Variants in ABCG8 observed in about 807,000 individuals in gnomAD.
ABCG8 encodes ATP-binding cassette sub-family G member 8.
In ABCG8, 81 loss-of-function variants were observed where a neutral mutation model predicts 71.3. That is an observed-to-expected ratio of 1.14 (90% CI 0.95 to 1.37). The LOEUF is 1.37. ABCG8 is among the 40% of genes most tolerant of loss of function. The probability of loss-of-function intolerance (pLI) is 0.00; values close to 1 mark genes in which losing one functional copy is unlikely to be tolerated. For missense variants in ABCG8, 1,119 were observed against 866.2 expected (o/e 1.29, Z -3.66); for synonymous variants, 451 against 354.7 (o/e 1.27, Z -3.05).
intron 1 of ABCG8, among the ~76,000 whole-genome samples, chr2:43,842,005 T>A (rs1266242657): frequency 7.4e-6 from 1 of 135,842 alleles, no homozygotes; most frequent in African/African-American, 2.7e-5. Flanking sequence ...CTCTTAGAAA[T>A]GGATAAGATT....
Position 43,878,027 on chromosome 2 carries a change from A to C in ABCG8, c.*114A>C. On this transcript the variant is annotated 3_prime_UTR_variant, in exon 13 of 13. Coordinates refer to ENST00000272286, the MANE Select transcript of ABCG8 (RefSeq NM_022437.3). ...GAGGACAATGACCCTACAGATGCTC[A>C]GCTACATCCGGCCCAGGGTGCTGCA... 6.7e-7 allele frequency: 1 copy of C among 1,500,440 alleles called. No homozygotes were observed. Among genetic ancestry groups the C allele is most frequent in the South Asian group, 1.2e-5 (1 of 84,956 alleles). 92.9% of individuals were successfully genotyped at this position (1,500,440 alleles called of 1,614,324 possible).
intron 6 of ABCG8, among the ~76,000 whole-genome samples, chr2:43,856,242 C>T (rs1244701021): frequency 6.6e-6 from 1 of 152,166 alleles, no homozygotes; most frequent in East Asian, 1.9e-4. Context: ...GGATAGAATT[C>T]TCTCCATCCT....
intron 3 of ABCG8, among the ~76,000 whole-genome samples, chr2:43,849,021 TAAAAAAAAAAAAA>T (rs1193216137): frequency 9.1e-5 from 5 of 54,710 alleles, no homozygotes; most frequent in Non-Finnish European, 1.7e-4. Flanking sequence ...AAACACTGTC[TAAAAAAAAAAAAA>T]AAAAAAAAAA....
Position 43,871,962 on chromosome 2 carries a change from T to G in ABCG8, c.965-14T>G. The G allele has an allele frequency of 6.2e-7, 1 of 1,613,834 alleles. No homozygotes were observed. The highest frequency in any genetic ancestry group is 8.5e-7 in the Non-Finnish European group (1 of 1,180,022). On this transcript the variant is annotated splice_polypyrimidine_tract_variant and intron_variant, in intron 6 of 12. Transcript: ENST00000272286. Reference sequence around the variant, plus strand: ...GGAACAGGCCACCTGTGACTCCACATCCCCTGCTTGCAGTGGACCTGACCA... The same window carrying G: ...GGAACAGGCCACCTGTGACTCCACAGCCCCTGCTTGCAGTGGACCTGACCA...
At chr2:43,844,424 C>T (rs913769252) in intron 1 of ABCG8, 83 bp from the exon 2 acceptor site, 1 of 1,141,390 alleles carries the variant, frequency 8.8e-7, no homozygotes, top group African/African-American at 1.5e-5. Flanking sequence ...AGAAGTTGCT[C>T]TCACCTGTTG....
At chr2:43,841,987 A>C (rs1036642995) in intron 1 of ABCG8, among the ~76,000 whole-genome samples, 1 of 151,598 alleles carries the variant, frequency 6.6e-6, no homozygotes, top group African/African-American at 2.4e-5. Context: ...ATGTTAGCCC[A>C]CATGAGTCTC....
Position 43,875,253 on chromosome 2 carries a change from C to T in ABCG8, c.1596C>T (p.Phe532=), listed in dbSNP as rs374820261. 41 of 1,614,124 alleles carry T rather than the reference C, an allele frequency of 2.5e-5. No individual in the cohort carries two copies. Among genetic ancestry groups the T allele is most frequent in the Admixed American group, 6.7e-5 (4 of 60,014 alleles). The part of the protein sequence containing the change: ...RPGLQPFLLH[F]LLVWLVVFCC... ...GCCTCCAGCCCTTCCTGCTGCACTT[C>T]CTGCTGGTGTGGCTGGTGGTCTTCT... Residue 532 remains phenylalanine, a synonymous_variant, in exon 11 of 13, where the codon TTC becomes TTT. Coordinates refer to ENST00000272286, the MANE Select transcript of ABCG8 (RefSeq NM_022437.3).
chr2:43,874,008 GGGCAGGCA>G, intron 9 of ABCG8, 22 bp downstream of exon 9: 2 of 1,612,846 alleles, frequency 1.2e-6, no homozygotes, highest in Non-Finnish European at 1.7e-6. Flanking sequence ...CCACTGGCAT[GGGCAGGCA>G]GGACCTCAGC....
chr2:43,848,130 A>C (rs1359145410), intron 3 of ABCG8: 1 of 152,168 alleles, frequency 6.6e-6, no homozygotes, highest in Non-Finnish European at 1.5e-5. Context: ...TAAAAAAAAC[A>C]AAAACAAAAA....
At chr2:43,850,424 G>A (rs755334421) in intron 3 of ABCG8, among the ~76,000 whole-genome samples, 1 of 152,182 alleles carries the variant, frequency 6.6e-6, no homozygotes, top group Non-Finnish European at 1.5e-5. Context: ...ATTCAGAAGA[G>A]GGTGCTGTTA....
At chr2:43,868,388 C>G (rs1017063751) in intron 6 of ABCG8, among the ~76,000 whole-genome samples, 1 of 151,848 alleles carries the variant, frequency 6.6e-6, no homozygotes, top group Admixed American at 6.6e-5. Context: ...AATTCTTACT[C>G]TCTGGATAGA....
chr2:43,842,243 C>A (rs576254172), intron 1 of ABCG8, among the ~76,000 whole-genome samples: 1 of 152,146 alleles, frequency 6.6e-6, no homozygotes, highest in Admixed American at 6.5e-5. Flanking sequence ...GAACTCCTGG[C>A]CTCAGGTGAT....
chr2:43,875,897 T>A (rs1413370759), intron 11 of ABCG8, among the ~76,000 whole-genome samples: 1 of 152,068 alleles, frequency 6.6e-6, no homozygotes, highest in Non-Finnish European at 1.5e-5. Flanking sequence ...CCCTGCGGCC[T>A]CCCCAGCTTT....
At chr2:43,862,202 T>C (rs1558830251) in intron 6 of ABCG8, among the ~76,000 whole-genome samples, 1 of 151,340 alleles carries the variant, frequency 6.6e-6, no homozygotes, top group Non-Finnish European at 1.5e-5. Flanking sequence ...CTTGATAGAA[T>C]TCTCACTCTT....
intron 1 of ABCG8, among the ~76,000 whole-genome samples, chr2:43,844,079 G>C (rs1257071220): frequency 6.6e-6 from 1 of 152,134 alleles, no homozygotes; most frequent in Admixed American, 6.6e-5. Context: ...ATGTCTGTTT[G>C]GCCTCAGGAG....
chr2:43,875,088 TATA>T, intron 10 of ABCG8, 55 bp from the exon 11 acceptor site: 9 of 1,612,832 alleles, frequency 5.6e-6, no homozygotes, highest in Non-Finnish European at 5.1e-6. Context: ...TTTAAACGTT[TATA>T]ATAATGGCAG....
At chr2:43,850,088 G>A (rs1668867057) in intron 3 of ABCG8, among the ~76,000 whole-genome samples, 1 of 152,148 alleles carries the variant, frequency 6.6e-6, no homozygotes, top group Non-Finnish European at 1.5e-5. Flanking sequence ...GGCAGGCATG[G>A]TGGCAGGTGC....
intron 6 of ABCG8, among the ~76,000 whole-genome samples, chr2:43,854,410 A>T (rs1019533920): frequency 2.6e-5 from 4 of 152,102 alleles, no homozygotes; most frequent in Admixed American, 6.5e-5. Context: ...GGCAGATCAC[A>T]TGAGGTCAGG....
At chr2:43,861,894 A>G (rs868009125) in intron 6 of ABCG8, among the ~76,000 whole-genome samples, 9 of 150,388 alleles carry the variant, frequency 6.0e-5, no homozygotes, top group Admixed American at 5.3e-4. Context: ...CTCACTATCT[A>G]TCTGGATAGA....
Sources: gnomAD v4.1 joint callset for allele counts (sites outside exome capture counted in the v4.1 genomes callset) on GRCh38, gnomAD v4.1.1 for gene constraint, MANE v1.5 for transcripts, NCBI Gene and HGNC (gene_info 2026-07-23, HGNC 2026-07-21) for gene names.